HDGFL3: variants seen among roughly 807,000 people sequenced by gnomAD.
The protein encoded by HDGFL3 is HDGF like 3.
Under a neutral mutation model 27.6 loss-of-function variants are expected in HDGFL3, and 6 were observed. That is an observed-to-expected ratio of 0.22 (90% CI 0.12 to 0.43). The LOEUF is 0.43. Ranked by LOEUF, HDGFL3 falls within the 20% of genes least tolerant of loss-of-function variation. The pLI is 1.00. For missense variants in HDGFL3, 207 were observed against 250.1 expected (o/e 0.83, Z 1.16); for synonymous variants, 88 against 88.9 (o/e 0.99, Z 0.05).
intron 1 of HDGFL3, among the ~76,000 whole-genome samples, chr15:83,188,940 T>C (rs1168366006): frequency 6.6e-6 from 1 of 152,190 alleles, no homozygotes; most frequent in Non-Finnish European, 1.5e-5. Context: ...AGATTCTCCA[T>C]GTGAGTAAAG....
At chr15:83,114,734 G>C (rs1283468931) in exon 4 of HDGFL3, 2 of 152,210 alleles carry the variant, frequency 1.3e-5, no homozygotes, top group African/African-American at 4.8e-5. Flanking sequence ...TTCTGTCCAT[G>C]TCCATCCCAT....
chr15:83,120,551 C>G (rs910720271), intron 3 of HDGFL3, among the ~76,000 whole-genome samples: 26 of 151,688 alleles, frequency 1.7e-4, no homozygotes, highest in Non-Finnish European at 1.3e-4. Context: ...ATCTCCCTCA[C>G]TCCCAACATG....
At position 83,136,434 on chromosome 15, in the gene HDGFL3, T is replaced by C. The variant is rs377072099; in HGVS notation, c.*2836A>G. On this transcript the variant is annotated 3_prime_UTR_variant, in exon 6 of 6. Transcript: ENST00000299633. ...ATTCAGAACTCATCATGCATCCAAC[T>C]GAACACGTTTCATGCTTACTCAATT... 7.7e-5 allele frequency: 116 copies of C among 1,512,114 alleles called. No homozygotes were observed. The highest frequency in any genetic ancestry group is 9.7e-5 in the Non-Finnish European group (109 of 1,127,222). 93.7% of individuals were successfully genotyped at this position (1,512,114 alleles called of 1,614,324 possible).
At chr15:83,121,760 TA>T (rs1394372659) in intron 3 of HDGFL3, among the ~76,000 whole-genome samples, 6 of 152,228 alleles carry the variant, frequency 3.9e-5, no homozygotes, top group Admixed American at 1.3e-4. Flanking sequence ...TGAAGTTACA[TA>T]ACCAGGGCTC....
At chr15:83,203,563 A>G (rs1029686520) in intron 1 of HDGFL3, among the ~76,000 whole-genome samples, 7 of 152,102 alleles carry the variant, frequency 4.6e-5, no homozygotes, top group African/African-American at 7.2e-5. Flanking sequence ...ACAACAAGGT[A>G]AATGTCTAAG....
Position 83,136,848 on chromosome 15 carries a change from G to A in HDGFL3, c.*2422C>T. ...GTGTAAATTTTTTTTGAAGGAAAATGGAAATTCTTGAGAAACAGTTTGTTT... is the reference window on the plus strand; with the variant it reads ...GTGTAAATTTTTTTTGAAGGAAAATAGAAATTCTTGAGAAACAGTTTGTTT... On this transcript the variant is annotated 3_prime_UTR_variant, in exon 6 of 6. Transcript: ENST00000299633. 1 of 425,536 alleles carries A rather than the reference G, an allele frequency of 2.3e-6. No homozygotes were observed. The highest frequency in any genetic ancestry group is 4.1e-6 in the Non-Finnish European group (1 of 242,552). 26.4% of individuals were successfully genotyped at this position (425,536 alleles called of 1,614,324 possible). A position where few individuals can be genotyped will look rare whatever the true frequency, so the allele number is the denominator to read the frequency against.
At chr15:83,183,409 TCTC>T (rs1334429707) in intron 1 of HDGFL3, among the ~76,000 whole-genome samples, 5 of 152,232 alleles carry the variant, frequency 3.3e-5, no homozygotes, top group African/African-American at 1.2e-4. Context: ...GTCTACAACT[TCTC>T]CTTTAACAGG....
chr15:83,166,205 A>G (rs571210256), intron 1 of HDGFL3, among the ~76,000 whole-genome samples: 39 of 152,208 alleles, frequency 2.6e-4, no homozygotes, highest in Non-Finnish European at 3.4e-4. Flanking sequence ...CAGCTAGAGA[A>G]AAAGGGCAGA....
chr15:83,170,972 A>C (rs2037239698), intron 1 of HDGFL3, among the ~76,000 whole-genome samples: 1 of 152,210 alleles, frequency 6.6e-6, no homozygotes, highest in Non-Finnish European at 1.5e-5. Context: ...GAAACACGAA[A>C]AAACTTGTCA....
rs147813440 is a variant in HDGFL3, at chr15:83,183,257, A to T, written c.85-19182T>A. Among the ~76,000 whole-genome samples the T allele has an allele frequency of 2.8e-3, 434 of 152,312 alleles. 4 individuals carry two copies. The highest frequency in any genetic ancestry group is 9.9e-3 in the African/African-American group (412 of 41,562). On this transcript the variant is annotated intron_variant, in intron 1 of 5. Coordinates refer to ENST00000299633, the MANE Select transcript of HDGFL3 (RefSeq NM_016073.4). The stretch of plus-strand genomic sequence containing the variant: ...AAAACAATCTGTACACCAAACCCCC[A>T]TGACATAAAAATCAAAAAGAAACCA...
intron 5 of HDGFL3, among the ~76,000 whole-genome samples, chr15:83,150,315 T>C (rs1418253988): frequency 1.3e-5 from 2 of 152,102 alleles, no homozygotes; most frequent in South Asian, 2.1e-4. Flanking sequence ...TTAGCAGGTA[T>C]ATGTCCCTGG....
At chr15:83,191,577 G>A (rs1163290498) in intron 1 of HDGFL3, among the ~76,000 whole-genome samples, 1 of 152,112 alleles carries the variant, frequency 6.6e-6, no homozygotes, top group African/African-American at 2.4e-5. Context: ...ATATAAAATT[G>A]TAAGTTTAAG....
At chr15:83,186,530 C>A (rs577810443) in intron 1 of HDGFL3, among the ~76,000 whole-genome samples, 2 of 152,068 alleles carry the variant, frequency 1.3e-5, no homozygotes, top group African/African-American at 2.4e-5. Flanking sequence ...AATAGTAATC[C>A]GGTAAATTTA....
At chr15:83,188,479 AC>A (rs1456911031) in intron 1 of HDGFL3, among the ~76,000 whole-genome samples, 4 of 152,166 alleles carry the variant, frequency 2.6e-5, no homozygotes, top group Non-Finnish European at 5.9e-5. Context: ...TGAACTCCTG[AC>A]CTCAGATGAT....
At position 83,137,228 on chromosome 15, in the gene HDGFL3, T is replaced by G. The variant is rs942312971; in HGVS notation, c.*2042A>C. The G allele has an allele frequency of 2.0e-5, 3 of 152,222 alleles. No individual in the cohort carries two copies. The highest frequency in any genetic ancestry group is 7.2e-5 in the African/African-American group (3 of 41,468). 9.4% of individuals were successfully genotyped at this position (152,222 alleles called of 1,614,324 possible). ...ATTACTTTTACTAAATTTTTTTGTGTGAATTTAAACAGCTAAATAGGGATC... is the reference window on the plus strand; with the variant it reads ...ATTACTTTTACTAAATTTTTTTGTGGGAATTTAAACAGCTAAATAGGGATC... On this transcript the variant is annotated 3_prime_UTR_variant, in exon 6 of 6. Transcript: ENST00000299633.
rs1434942711 is a variant in HDGFL3, at chr15:83,207,174, G to A, written c.84+157C>T. Among the ~76,000 whole-genome samples the A allele has an allele frequency of 3.3e-5, 5 of 152,172 alleles. No homozygotes were observed. The highest frequency in any genetic ancestry group is 9.6e-5 in the African/African-American group (4 of 41,454). On this transcript the variant is annotated intron_variant, in intron 1 of 5. Transcript: ENST00000299633. This position sits in a 1 kb window ranked among gnomAD's most constrained non-coding sequence, Gnocchi z 4.8. ...GGCCGGGAGCCCTTGCCTCAGCCCC[G>A]GCCCGGTCTTCTTCGTGCCGCGCCG... is the stretch of plus-strand genomic sequence containing the variant.
chr15:83,206,621 C>A (rs1031072294), intron 1 of HDGFL3, among the ~76,000 whole-genome samples: 6 of 152,112 alleles, frequency 3.9e-5, no homozygotes, highest in African/African-American at 1.2e-4. Flanking sequence ...TGAGATTCTA[C>A]CTAAAACAAA....
At chr15:83,174,216 GT>G (rs903511414) in intron 1 of HDGFL3, among the ~76,000 whole-genome samples, 1 of 152,064 alleles carries the variant, frequency 6.6e-6, no homozygotes, top group Non-Finnish European at 1.5e-5. Flanking sequence ...CTCTGAATCT[GT>G]TTTTCTTCCT....
downstream of HDGFL3, among the ~76,000 whole-genome samples, chr15:83,125,321 T>C (rs1442423965): frequency 6.6e-6 from 1 of 152,168 alleles, no homozygotes; most frequent in Admixed American, 6.5e-5. Flanking sequence ...CACATGGGCA[T>C]TTCATGTTTT....
Sources: allele counts gnomAD v4.1 joint callset (sites outside exome capture counted in the v4.1 genomes callset), GRCh38; gene constraint gnomAD v4.1.1; non-coding constraint Gnocchi (gnomAD v3.1); transcripts MANE v1.5; gene names NCBI Gene and HGNC (gene_info 2026-07-23, HGNC 2026-07-21).